Variants in TMCC1 observed in about 807,000 individuals in gnomAD.
The protein encoded by TMCC1 is transmembrane and coiled-coil domain family 1, also known as transmembrane and coiled-coil domains protein 1.
Under a neutral mutation model 52.4 loss-of-function variants are expected in TMCC1, and 15 were observed. The ratio of observed to expected loss-of-function variants is 0.29; its 90% CI spans 0.19 to 0.44. TMCC1 has a LOEUF of 0.44. Ranked by LOEUF, TMCC1 falls within the 20% of genes least tolerant of loss-of-function variation. TMCC1 has a pLI of 1.00. For missense variants in TMCC1, 503 were observed against 806.0 expected (o/e 0.62, Z 4.55); for synonymous variants, 279 against 301.9 (o/e 0.92, Z 0.79).
chr3:129,721,345 GTATT>G (rs1223811706), intron 4 of TMCC1, among the ~76,000 whole-genome samples: 2 of 151,802 alleles, frequency 1.3e-5, no homozygotes, highest in South Asian at 2.1e-4. Context: ...CTGCTTTATT[GTATT>G]TATTTATTTT....
intron 4 of TMCC1, among the ~76,000 whole-genome samples, chr3:129,684,863 T>C (rs2089289287): frequency 6.6e-6 from 1 of 152,170 alleles, no homozygotes; most frequent in African/African-American, 2.4e-5. Flanking sequence ...TGGATACAGG[T>C]TGTGAAAAAG....
intron 4 of TMCC1, among the ~76,000 whole-genome samples, chr3:129,723,785 C>T (rs2049847548): frequency 6.6e-6 from 1 of 152,118 alleles, no homozygotes; most frequent in Admixed American, 6.5e-5. Flanking sequence ...ATAGCAAATG[C>T]CCCTGGCTGA....
rs753846630 is a variant in TMCC1 at position 129,670,642 on chromosome 3, T to G, written c.1199A>C (p.Asp400Ala). Residue 400 changes from aspartate (D) to alanine (A), a missense_variant, in exon 5 of 7, where the codon GAT becomes GCT. Around this residue, in one of 7 missense-constraint regions of TMCC1, gnomAD observed 38 missense variants for 29.8 expected, o/e 1.28. Transcript: ENST00000393238. Reference sequence around the variant, plus strand: ...AATCACTCCCAAAGCCTTCCCCGCATCATCCACTTGCCCTTCCTCTAAAGA... The same window carrying G: ...AATCACTCCCAAAGCCTTCCCCGCAGCATCCACTTGCCCTTCCTCTAAAGA... ...KDSLEEGQVD[D>A]AGKALGVISN... The G allele has an allele frequency of 1.9e-6, 3 of 1,614,234 alleles. No individual in the cohort carries two copies. Among genetic ancestry groups the G allele is most frequent in the Non-Finnish European group, 1.7e-6 (2 of 1,180,038 alleles).
chr3:129,728,241 A>G (rs1390217341), intron 4 of TMCC1, among the ~76,000 whole-genome samples: 1 of 152,218 alleles, frequency 6.6e-6, no homozygotes, highest in East Asian at 1.9e-4. Context: ...TGTTCAACCC[A>G]CAGAATCAAG....
At chr3:129,678,781 A>C (rs952548699) in intron 4 of TMCC1, among the ~76,000 whole-genome samples, 2 of 152,194 alleles carry the variant, frequency 1.3e-5, no homozygotes, top group Admixed American at 1.3e-4. Flanking sequence ...TTAAAGAAGT[A>C]CCAGACTCAA....
chr3:129,649,352 C>G lies in TMCC1; in HGVS notation c.*2129G>C, dbSNP rs937368912. ...AAAAAGTCACTGCAATATTTTTAGG[C>G]AAAGTTAACATTTTAATACATATAG... On this transcript the variant is annotated 3_prime_UTR_variant, in exon 7 of 7. Coordinates refer to ENST00000393238, the MANE Select transcript of TMCC1 (RefSeq NM_001017395.5). 1.3e-5 allele frequency: 2 copies of G among 152,008 alleles called. No homozygotes were observed. The highest frequency in any genetic ancestry group is 1.3e-4 in the Admixed American group (2 of 15,260). The allele number at this position is 152,008 out of a possible 1,614,324, so 9.4% of individuals were successfully genotyped here. A position where few individuals can be genotyped will look rare whatever the true frequency, so the allele number is the denominator to read the frequency against.
rs1200548388 is a variant in TMCC1 at position 129,651,938 on chromosome 3, G to C, written c.1648-143C>G. The C allele has an allele frequency of 2.1e-6, 2 of 959,606 alleles. No homozygotes were observed. Among genetic ancestry groups the C allele is most frequent in the African/African-American group, 1.7e-5 (1 of 60,416 alleles). 59.4% of individuals were successfully genotyped at this position (959,606 alleles called of 1,614,324 possible). ...CTGGAGCCTTGAATGAATGTAAAAG[G>C]CTAGATGTATAACTCACTATTCAAG... is the stretch of plus-strand genomic sequence containing the variant. On this transcript the variant is annotated intron_variant, in intron 6 of 6. Coordinates refer to ENST00000393238, the MANE Select transcript of TMCC1 (RefSeq NM_001017395.5). The surrounding 1 kb of genome is among the most constrained non-coding windows in gnomAD (Gnocchi z 5.1).
chr3:129,773,034 C>T (rs2054740783), intron 4 of TMCC1, among the ~76,000 whole-genome samples: 1 of 152,016 alleles, frequency 6.6e-6, no homozygotes, highest in African/African-American at 2.4e-5. Context: ...GACATACTGG[C>T]AAAGACTATA....
chr3:129,748,209 C>T (rs2052156971), intron 4 of TMCC1, among the ~76,000 whole-genome samples: 1 of 152,182 alleles, frequency 6.6e-6, no homozygotes, highest in African/African-American at 2.4e-5. Context: ...AAATAAACAG[C>T]CATGTCATCA....
intron 4 of TMCC1, among the ~76,000 whole-genome samples, chr3:129,709,347 A>T (rs562032729): frequency 1.3e-5 from 2 of 151,876 alleles, no homozygotes; most frequent in Admixed American, 6.6e-5. Context: ...GTGGGCTTGT[A>T]TGCCTACAGT....
intron 4 of TMCC1, among the ~76,000 whole-genome samples, chr3:129,742,725 G>A (rs745554839): frequency 2.0e-5 from 3 of 152,106 alleles, no homozygotes; most frequent in Non-Finnish European, 2.9e-5. Context: ...TCACAGCAGC[G>A]TTATTCATAC....
At chr3:129,705,200 T>C (rs2048130041) in intron 4 of TMCC1, among the ~76,000 whole-genome samples, 1 of 152,140 alleles carries the variant, frequency 6.6e-6, no homozygotes, top group South Asian at 2.1e-4. Context: ...TCTCACTCTC[T>C]AGTGAGGAAC....
At chr3:129,732,052 T>C (rs998709852) in intron 4 of TMCC1, among the ~76,000 whole-genome samples, 5 of 152,210 alleles carry the variant, frequency 3.3e-5, no homozygotes, top group Non-Finnish European at 7.3e-5. Flanking sequence ...TTGGAACTTT[T>C]TGAAATTTTT....
chr3:129,855,997 AGTTTAGTAATACTATACCAAT>A (rs1196641182), intron 2 of TMCC1, among the ~76,000 whole-genome samples: 1 of 147,476 alleles, frequency 6.8e-6, no homozygotes, highest in Non-Finnish European at 1.5e-5. Context: ...TCAGCAAGAA[AGTTTAGTAATACTATACCAAT>A]GTCAATTTCC....
chr3:129,790,309 T>C lies in TMCC1; in HGVS notation c.576+37494A>G, dbSNP rs114466308. On this transcript the variant is annotated intron_variant, in intron 4 of 6. Transcript: ENST00000393238. ...AGAACAATCTGTATGGCATTTATCT[T>C]TCATGTTAGAATGGTCAGAAAATAA... Among the ~76,000 whole-genome samples, 250 of 152,328 alleles carry C rather than the reference T, an allele frequency of 1.6e-3. 3 individuals are homozygous for C. The highest frequency in any genetic ancestry group is 5.5e-3 in the African/African-American group (230 of 41,568).
intron 4 of TMCC1, among the ~76,000 whole-genome samples, chr3:129,777,095 A>G (rs1576801492): frequency 6.6e-6 from 1 of 152,218 alleles, no homozygotes; most frequent in African/African-American, 2.4e-5. Context: ...ACACTATCTA[A>G]TAACTGTTCA....
intron 2 of TMCC1, among the ~76,000 whole-genome samples, chr3:129,841,135 A>G (rs956498395): frequency 6.6e-6 from 1 of 152,224 alleles, no homozygotes; most frequent in Admixed American, 6.5e-5. Context: ...ACTGGAGCAA[A>G]GGTCACTCTT....
intron 4 of TMCC1, among the ~76,000 whole-genome samples, chr3:129,758,231 C>T (rs537800800): frequency 6.6e-6 from 1 of 152,174 alleles, no homozygotes; most frequent in Admixed American, 6.5e-5. Flanking sequence ...AGATGTCTTA[C>T]TGTTGGTGAG....
At position 129,874,980 on chromosome 3, in the gene TMCC1, A is replaced by G. The variant is rs2061121591; in HGVS notation, c.-184+5329T>C. Among the ~76,000 whole-genome samples the G allele has an allele frequency of 1.3e-5, 2 of 152,164 alleles. 1 individual carries two copies. The highest frequency in any genetic ancestry group is 4.1e-4 in the South Asian group (2 of 4,832). On this transcript the variant is annotated intron_variant, in intron 2 of 6. Transcript: ENST00000393238. ...TTTTCCTTATTCTCCACAATATTTG[A>G]GTACTGTCTTAAGTTGTCGGAAAGG...
Sources: gnomAD v4.1 joint callset for allele counts (sites outside exome capture counted in the v4.1 genomes callset) on GRCh38, gnomAD v4.1.1 for gene constraint, gnomAD v4.1.1 regional missense constraint, Gnocchi (gnomAD v3.1) non-coding constraint, MANE v1.5 for transcripts, NCBI Gene and HGNC (gene_info 2026-07-23, HGNC 2026-07-21) for gene names.